The following NXN variants were observed in gnomAD, a reference collection of about 807,000 sequenced individuals.
NXN encodes nucleoredoxin.
NXN carries 16 observed loss-of-function variants against 48.6 expected under a neutral mutation model. The ratio of observed to expected loss-of-function variants is 0.33; its 90% CI spans 0.22 to 0.50. NXN has a LOEUF of 0.50. NXN is among the 20% of genes least tolerant of loss of function. The pLI is 0.98. For missense variants in NXN, 492 were observed against 605.5 expected (o/e 0.81, Z 1.97); for synonymous variants, 281 against 269.6 (o/e 1.04, Z -0.41).
intron 1 of NXN, among the ~76,000 whole-genome samples, chr17:881,897 C>A (rs1390578867): frequency 2.6e-5 from 4 of 152,170 alleles, no homozygotes; most frequent in Non-Finnish European, 5.9e-5. Flanking sequence ...TGACGGTCTA[C>A]AGGCAAAACT....
intron 1 of NXN, among the ~76,000 whole-genome samples, chr17:888,244 G>T (rs554453829): frequency 4.6e-5 from 7 of 152,248 alleles, no homozygotes; most frequent in African/African-American, 1.7e-4. Flanking sequence ...TTTGAGACAG[G>T]GCCTCGCTCT....
At chr17:855,288 A>G (rs1415342435) in intron 1 of NXN, among the ~76,000 whole-genome samples, 2 of 152,210 alleles carry the variant, frequency 1.3e-5, no homozygotes, top group Non-Finnish European at 2.9e-5. Flanking sequence ...AAATAAATAC[A>G]TAAATAATTC....
chr17:920,554 CG>C lies in NXN; in HGVS notation c.360+58764del, dbSNP rs1567863136. Among the ~76,000 whole-genome samples the C allele has an allele frequency of 1.3e-5, 2 of 152,062 alleles. No individual in the cohort carries two copies. Among genetic ancestry groups the C allele is most frequent in the East Asian group, 3.9e-4 (2 of 5,182 alleles). On this transcript the variant is annotated intron_variant, in intron 1 of 7. Coordinates refer to ENST00000336868, the MANE Select transcript of NXN (RefSeq NM_022463.5). This position sits in a 1 kb window ranked among gnomAD's most constrained non-coding sequence, Gnocchi z 4.6. ...AGCGTTCTCCCAGGCTCTCAACCCT[CG>C]ACGCTCATCCAGGTTCATTCGCCAT... is the stretch of plus-strand genomic sequence containing the variant.
intron 1 of NXN, among the ~76,000 whole-genome samples, chr17:967,948 G>A (rs2069326770): frequency 6.6e-6 from 1 of 151,990 alleles, no homozygotes; most frequent in South Asian, 2.1e-4. Context: ...CTCTAGCCCA[G>A]GCGACAGAGC....
At chr17:883,273 A>G (rs1438893895) in intron 1 of NXN, among the ~76,000 whole-genome samples, 1 of 152,164 alleles carries the variant, frequency 6.6e-6, no homozygotes, top group Non-Finnish European at 1.5e-5. Context: ...GGGGAAGACG[A>G]TGCTGACTGT....
chr17:959,077 G>A, intron 1 of NXN: 2 of 294,820 alleles, frequency 6.8e-6, no homozygotes, highest in East Asian at 6.0e-5. Context: ...CTCATCACGG[G>A]CGGTGTGGCT....
intron 1 of NXN, among the ~76,000 whole-genome samples, chr17:866,658 C>T (rs933947864): frequency 3.9e-5 from 6 of 152,130 alleles, no homozygotes; most frequent in Middle Eastern, 3.2e-3. Flanking sequence ...GTTTTAAGTA[C>T]GTGCATGGAG....
At chr17:859,009 C>T (rs2068015541) in intron 1 of NXN, among the ~76,000 whole-genome samples, 1 of 152,208 alleles carries the variant, frequency 6.6e-6, no homozygotes, top group Admixed American at 6.6e-5. Context: ...TCCCATCCAC[C>T]AAGGAGGAAC....
intron 1 of NXN, among the ~76,000 whole-genome samples, chr17:915,137 T>C (rs1228480071): frequency 6.6e-6 from 1 of 152,088 alleles, no homozygotes; most frequent in Non-Finnish European, 1.5e-5. Context: ...GGTTTCACCA[T>C]ATTGGCCAGG....
At chr17:886,312 C>T (rs1334794015) in intron 1 of NXN, among the ~76,000 whole-genome samples, 1 of 152,096 alleles carries the variant, frequency 6.6e-6, no homozygotes, top group Non-Finnish European at 1.5e-5. Flanking sequence ...ATAAATTAAG[C>T]AAGCAGAAGG....
intron 1 of NXN, among the ~76,000 whole-genome samples, chr17:915,610 A>C (rs1031888488): frequency 6.6e-6 from 1 of 152,194 alleles, no homozygotes; most frequent in African/African-American, 2.4e-5. Flanking sequence ...CTAAGAAAGG[A>C]GTAAAAGTGA....
chr17:813,025 G>C (rs539595823), intron 5 of NXN, among the ~76,000 whole-genome samples: 2 of 151,788 alleles, frequency 1.3e-5, no homozygotes, highest in Admixed American at 6.6e-5. Context: ...TTGTGTGCAC[G>C]CGTGTGTGAA....
rs1454220010 is a variant in NXN, at chr17:950,649, T to A, written c.360+28670A>T. Among the ~76,000 whole-genome samples, 4 of 151,952 alleles carry A rather than the reference T, an allele frequency of 2.6e-5. No homozygotes were observed. In the East Asian group the frequency reaches 5.8e-4, roughly 22 times the overall value. On this transcript the variant is annotated intron_variant, in intron 1 of 7. Coordinates refer to ENST00000336868, the MANE Select transcript of NXN (RefSeq NM_022463.5). ...CCAAAAGCAAAGCCAGAGCTCGGCATGTGCTTCTAGAATTTTACAATCTTG... is the reference window on the plus strand; with the variant it reads ...CCAAAAGCAAAGCCAGAGCTCGGCAAGTGCTTCTAGAATTTTACAATCTTG...
chr17:974,215 G>A (rs910866206), intron 1 of NXN, among the ~76,000 whole-genome samples: 2 of 151,788 alleles, frequency 1.3e-5, no homozygotes, highest in African/African-American at 2.4e-5. Flanking sequence ...GCCAGGCGTG[G>A]TGGTGGGCGC....
At chr17:969,997 G>A (rs990569810) in intron 1 of NXN, among the ~76,000 whole-genome samples, 17 of 152,172 alleles carry the variant, frequency 1.1e-4, no homozygotes, top group African/African-American at 3.9e-4. Flanking sequence ...AGAGGCTGAC[G>A]GATTGGACAG....
At chr17:816,660 C>T (rs1269391508) in intron 5 of NXN, among the ~76,000 whole-genome samples, 1 of 152,190 alleles carries the variant, frequency 6.6e-6, no homozygotes, top group African/African-American at 2.4e-5. Context: ...CGCTCTAGAC[C>T]TATACGCTCT....
At position 917,833 on chromosome 17, in the gene NXN, G is replaced by A. The variant is rs569676495; in HGVS notation, c.360+61486C>T. ...AGGGCGGATGGGAAAGGGGATAAGC[G>A]ACAGGAGAGGGGGGACTCCCGTTCC... On this transcript the variant is annotated intron_variant, in intron 1 of 7. Transcript: ENST00000336868. The surrounding 1 kb of genome is among the most constrained non-coding windows in gnomAD (Gnocchi z 4.5). Among the ~76,000 whole-genome samples the A allele has an allele frequency of 2.6e-5, 4 of 152,320 alleles. No homozygotes were observed. Among genetic ancestry groups the A allele is most frequent in the African/African-American group, 9.6e-5 (4 of 41,576 alleles).
chr17:811,716 C>T (rs1912021688), intron 5 of NXN, among the ~76,000 whole-genome samples: 1 of 152,098 alleles, frequency 6.6e-6, no homozygotes, highest in Admixed American at 6.5e-5. Flanking sequence ...CCAAACTCAT[C>T]ATCAAGACCA....
At chr17:897,565 G>T (rs1485403384) in intron 1 of NXN, among the ~76,000 whole-genome samples, 2 of 152,218 alleles carry the variant, frequency 1.3e-5, no homozygotes, top group African/African-American at 4.8e-5. Flanking sequence ...TGAGAAATTA[G>T]ACAGTACTGC....
Sources: gnomAD v4.1 joint callset for allele counts (sites outside exome capture counted in the v4.1 genomes callset) on GRCh38, gnomAD v4.1.1 for gene constraint, Gnocchi (gnomAD v3.1) non-coding constraint, MANE v1.5 for transcripts, NCBI Gene and HGNC (gene_info 2026-07-23, HGNC 2026-07-21) for gene names.